KCTD20: variants seen among roughly 807,000 people sequenced by gnomAD.
The protein encoded by KCTD20 is potassium channel tetramerization domain containing 20, also known as BTB/POZ domain-containing protein KCTD20.
A neutral mutation model predicts 39.6 loss-of-function variants in KCTD20; 30 were observed. The observed-to-expected ratio is 0.76, with a 90% CI of 0.57 to 1.03. KCTD20 has a LOEUF of 1.03. KCTD20 is among the 50% of genes least tolerant of loss of function. The pLI is 0.00. For missense variants in KCTD20, 422 were observed against 522.0 expected (o/e 0.81, Z 1.87); for synonymous variants, 162 against 180.6 (o/e 0.90, Z 0.83).
At position 36,486,839 on chromosome 6, in the gene KCTD20, G is replaced by A. The variant is rs746707669; in HGVS notation, c.968-44G>A. 14 of 1,501,908 alleles carry A rather than the reference G, an allele frequency of 9.3e-6. No homozygotes were observed. The African/African-American group carries it at 1.2e-4, about 13-fold the overall frequency. 93.0% of individuals were successfully genotyped at this position (1,501,908 alleles called of 1,614,324 possible). On this transcript the variant is annotated intron_variant, in intron 7 of 7. Coordinates refer to ENST00000373731, the MANE Select transcript of KCTD20 (RefSeq NM_173562.5). Reference sequence around the variant, plus strand: ...AAGGAGAAAGTATGGACACCAGAGTGAGCACAATTTGTTAGTCATGAGAAT... The same window carrying A: ...AAGGAGAAAGTATGGACACCAGAGTAAGCACAATTTGTTAGTCATGAGAAT...
Position 36,447,636 on chromosome 6 carries a change from A to T in KCTD20, c.-47+4525A>T, listed in dbSNP as rs547941963. 8.5e-5 allele frequency among the ~76,000 whole-genome samples: 13 copies of T among 152,162 alleles called. No individual in the cohort carries two copies. The East Asian group carries it at 1.3e-3, about 16-fold the overall frequency. On this transcript the variant is annotated intron_variant, in intron 1 of 7. Coordinates refer to ENST00000373731, the MANE Select transcript of KCTD20 (RefSeq NM_173562.5). ...CAGAGCGAGACTCTGTCTCAAAAAAAAAAAGAAAAAAATATAAAATTTTTG... is the reference window on the plus strand; with the variant it reads ...CAGAGCGAGACTCTGTCTCAAAAAATAAAAGAAAAAAATATAAAATTTTTG...
intron 3 of KCTD20, among the ~76,000 whole-genome samples, chr6:36,475,398 G>A (rs547511232): frequency 4.0e-5 from 6 of 151,542 alleles, no homozygotes; most frequent in African/African-American, 1.2e-4. Flanking sequence ...GCAGTGAGCC[G>A]AGACTGCACC....
At position 36,489,687 on chromosome 6, in the gene KCTD20, G is replaced by A. The variant is rs972057064; in HGVS notation, c.*2512G>A. ...TTGGTTCCTGGCCAGATGGGTAAGAGGCATTTGTAATTTTAAAAATGTGAA... is the reference window on the plus strand; with the variant it reads ...TTGGTTCCTGGCCAGATGGGTAAGAAGCATTTGTAATTTTAAAAATGTGAA... On this transcript the variant is annotated 3_prime_UTR_variant, in exon 8 of 8. Transcript: ENST00000373731. 3.3e-5 allele frequency: 5 copies of A among 151,470 alleles called. No individual in the cohort carries two copies. Among genetic ancestry groups the A allele is most frequent in the African/African-American group, 1.2e-4 (5 of 41,416 alleles). 9.4% of individuals were successfully genotyped at this position (151,470 alleles called of 1,614,324 possible). A position where few individuals can be genotyped will look rare whatever the true frequency, so the allele number is the denominator to read the frequency against.
At chr6:36,470,459 G>A (rs568632714) in intron 2 of KCTD20, among the ~76,000 whole-genome samples, 3 of 152,190 alleles carry the variant, frequency 2.0e-5, no homozygotes, top group African/African-American at 7.2e-5. Context: ...TGGTGATAAT[G>A]GTATTAAAAC....
chr6:36,465,215 G>C (rs752446440), intron 1 of KCTD20, among the ~76,000 whole-genome samples: 18 of 150,496 alleles, frequency 1.2e-4, no homozygotes, highest in Non-Finnish European at 2.2e-4. Context: ...AGAATTGCTT[G>C]AACCCGGGAG....
intron 1 of KCTD20, among the ~76,000 whole-genome samples, chr6:36,448,015 G>GTGTATGTGTGTGTATA (rs559687288): frequency 8.5e-5 from 11 of 128,946 alleles, no homozygotes; most frequent in African/African-American, 3.8e-4. Flanking sequence ...ATGTGTGTGT[G>GTGTATGTGTGTGTATA]TATATATATA....
Position 36,487,051 on chromosome 6 carries a change from T to C in KCTD20, c.1136T>C (p.Val379Ala), listed in dbSNP as rs74412623. 1,835 of 1,614,208 alleles carry C rather than the reference T, an allele frequency of 1.1e-3. 14 individuals carry two copies. In the African/African-American group the frequency reaches 0.017, roughly 15 times the overall value. Reference protein sequence around the residue: ...CVRSKSLTNLVAAGDDVLEDQ... With the variant: ...CVRSKSLTNLAAAGDDVLEDQ... ...CGAAGCAAATCCCTCACGAATCTGG[T>C]AGCTGCTGGAGATGATGTCTTGGAG... The change falls in exon 8 of 8, where the codon GTA (valine) becomes GCA (alanine). Residue 379 changes from valine to alanine, a missense_variant. Physicochemically the swap from Val to Ala is moderately conservative, Grantham distance 64 (BLOSUM62 0). Coordinates refer to ENST00000373731, the MANE Select transcript of KCTD20 (RefSeq NM_173562.5).
At chr6:36,483,201 C>T (rs1268467833) in intron 6 of KCTD20, among the ~76,000 whole-genome samples, 1 of 149,130 alleles carries the variant, frequency 6.7e-6, no homozygotes, top group Admixed American at 6.7e-5. Context: ...TACCAATTTA[C>T]ACTCAGAAAA....
At chr6:36,462,753 T>C (rs575402766) in intron 1 of KCTD20, among the ~76,000 whole-genome samples, 6 of 152,178 alleles carry the variant, frequency 3.9e-5, no homozygotes, top group Non-Finnish European at 7.3e-5. Context: ...GTGTCTTAGG[T>C]AATACCCTTT....
chr6:36,457,530 A>T (rs1775475358), intron 1 of KCTD20, among the ~76,000 whole-genome samples: 1 of 152,124 alleles, frequency 6.6e-6, no homozygotes, highest in South Asian at 2.1e-4. Context: ...CAACATAGTG[A>T]GACTCCTATC....
intron 1 of KCTD20, among the ~76,000 whole-genome samples, chr6:36,462,531 T>C (rs1775630546): frequency 6.6e-6 from 1 of 152,194 alleles, no homozygotes; most frequent in Non-Finnish European, 1.5e-5. Context: ...AAAGACTTAT[T>C]GAATAAGAAT....
At chr6:36,480,131 T>A (rs1191432958) in intron 5 of KCTD20, among the ~76,000 whole-genome samples, 1 of 152,138 alleles carries the variant, frequency 6.6e-6, no homozygotes, top group African/African-American at 2.4e-5. Flanking sequence ...GTTTCAAGTT[T>A]AGGTTGAAAA....
intron 1 of KCTD20, among the ~76,000 whole-genome samples, chr6:36,445,454 G>T (rs537753412): frequency 3.3e-5 from 5 of 152,018 alleles, no homozygotes; most frequent in Admixed American, 2.0e-4. Context: ...ATCTTTTTCT[G>T]TTGATTCATA....
At chr6:36,478,426 A>G (rs1337344779) in intron 3 of KCTD20, among the ~76,000 whole-genome samples, 1 of 152,214 alleles carries the variant, frequency 6.6e-6, no homozygotes, top group Non-Finnish European at 1.5e-5. Context: ...TTCTGAGTTC[A>G]TGCTGACAGC....
At position 36,484,843 on chromosome 6, in the gene KCTD20, TC is replaced by T; in HGVS notation, c.967+22del. 9.4e-7 allele frequency: 1 copy of T among 1,059,420 alleles called. No individual in the cohort carries two copies. The highest frequency in any genetic ancestry group is 1.4e-6 in the Non-Finnish European group (1 of 707,310). 65.6% of individuals were successfully genotyped at this position (1,059,420 alleles called of 1,614,324 possible). On this transcript the variant is annotated intron_variant, in intron 7 of 7. Coordinates refer to ENST00000373731, the MANE Select transcript of KCTD20 (RefSeq NM_173562.5). ...ATTGAAGGTAAAAAAAAAAAAAAAA[TC>T]CCAGTCAACATTCAGGTTGGGTCTA...
chr6:36,485,715 A>C (rs1776399250), intron 7 of KCTD20, among the ~76,000 whole-genome samples: 1 of 151,892 alleles, frequency 6.6e-6, no homozygotes, highest in Non-Finnish European at 1.5e-5. Flanking sequence ...GGATGGTCTC[A>C]ATCTCCTGAC....
chr6:36,477,626 C>G (rs1216685050), intron 3 of KCTD20, among the ~76,000 whole-genome samples: 1 of 150,848 alleles, frequency 6.6e-6, no homozygotes, highest in Admixed American at 6.6e-5. Flanking sequence ...ACTACAGGCG[C>G]CCATCACCAC....
rs561526902 is a variant in KCTD20 at position 36,449,914 on chromosome 6, C to G, written c.-47+6803C>G. ...GCGCGGTGGCTCACGCCTGTAATCC[C>G]AGCACTTTGGGAGGCTGAGGCGGGC... On this transcript the variant is annotated intron_variant, in intron 1 of 7. Transcript: ENST00000373731. 2.0e-5 allele frequency among the ~76,000 whole-genome samples: 3 copies of G among 152,204 alleles called. No individual in the cohort carries two copies. In the East Asian group the frequency reaches 5.8e-4, roughly 29 times the overall value.
chr6:36,455,442 A>G (rs1428318817), intron 1 of KCTD20, among the ~76,000 whole-genome samples: 2 of 152,104 alleles, frequency 1.3e-5, no homozygotes, highest in Non-Finnish European at 2.9e-5. Context: ...AAACTTCTCA[A>G]CTTTTTAGCT....
Sources: gnomAD v4.1 joint callset for allele counts (sites outside exome capture counted in the v4.1 genomes callset) on GRCh38, gnomAD v4.1.1 for gene constraint, MANE v1.5 for transcripts, NCBI Gene and HGNC (gene_info 2026-07-23, HGNC 2026-07-21) for gene names.